The following NALF1 variants were observed in gnomAD, a reference collection of about 807,000 sequenced individuals.
NALF1 encodes family with sequence similarity 155 member A.
NALF1 carries 3 observed loss-of-function variants against 48.4 expected under a neutral mutation model. The ratio of observed to expected loss-of-function variants is 0.06; its 90% CI spans 0.03 to 0.16. NALF1 has a LOEUF of 0.16. NALF1 is among the 10% of genes least tolerant of loss of function. The pLI, the probability that NALF1 is intolerant of heterozygous loss-of-function variation, is 1.00. For synonymous variants in NALF1, 262 were observed against 245.7 expected, an observed-to-expected ratio of 1.07 and a Z score of -0.62; for missense variants, 526 against 571.5, an observed-to-expected ratio of 0.92 and a Z score of 0.81.
rs995450017 is a variant in NALF1, at chr13:107,792,511, T to C, written c.915+73171A>G. Among the ~76,000 whole-genome samples the C allele has an allele frequency of 3.9e-5, 6 of 152,156 alleles. No homozygotes were observed. The East Asian group carries it at 1.2e-3, about 29-fold the overall frequency. On this transcript the variant is annotated intron_variant, in intron 1 of 2. Transcript: ENST00000375915. ...TATCTGAGCCTAGTAAGATCTGCTT[T>C]CCTATGGCTCAACCCAAACTTCCTC...
At chr13:107,486,204 GCA>G (rs1387027326) in intron 1 of NALF1, among the ~76,000 whole-genome samples, 5 of 152,122 alleles carry the variant, frequency 3.3e-5, no homozygotes, top group Non-Finnish European at 7.3e-5. Flanking sequence ...GGCCAAGATT[GCA>G]CACACACAGG....
At chr13:107,699,561 G>C (rs1464534788) in intron 1 of NALF1, among the ~76,000 whole-genome samples, 1 of 152,010 alleles carries the variant, frequency 6.6e-6, no homozygotes, top group Non-Finnish European at 1.5e-5. Flanking sequence ...GGGTATGAGG[G>C]ACAGAAAAAC....
chr13:107,755,895 C>T (rs759519653), intron 1 of NALF1, among the ~76,000 whole-genome samples: 2 of 152,134 alleles, frequency 1.3e-5, no homozygotes, highest in Non-Finnish European at 2.9e-5. Context: ...ATTTTATTTA[C>T]ATACAATCTT....
intron 1 of NALF1, among the ~76,000 whole-genome samples, chr13:107,287,829 C>T (rs996015577): frequency 3.3e-5 from 5 of 151,628 alleles, no homozygotes; most frequent in Admixed American, 3.3e-4. Context: ...CCTCAGCCTC[C>T]CGAGTAACTG....
intron 2 of NALF1, among the ~76,000 whole-genome samples, chr13:107,207,862 A>T (rs1879676949): frequency 6.6e-6 from 1 of 152,160 alleles, no homozygotes; most frequent in African/African-American, 2.4e-5. Context: ...TACGTTGTCC[A>T]GACTGTCCTC....
chr13:107,301,210 G>T (rs999664777), intron 1 of NALF1, among the ~76,000 whole-genome samples: 2 of 152,106 alleles, frequency 1.3e-5, no homozygotes, highest in African/African-American at 2.4e-5. Flanking sequence ...TCACTGTGCT[G>T]CTGTATTCCA....
chr13:107,362,128 G>A lies in NALF1; in HGVS notation c.916-151373C>T, dbSNP rs538410251. ...TTATTTTCTTAAGCTACTGAAATTT[G>A]GGGGCTGGTTGTTACTCGAAAATAA... On this transcript the variant is annotated intron_variant, in intron 1 of 2. Coordinates refer to ENST00000375915, the MANE Select transcript of NALF1 (RefSeq NM_001080396.3). The surrounding 1 kb of genome is among the most constrained non-coding windows in gnomAD (Gnocchi z 4.6). Among the ~76,000 whole-genome samples the A allele has an allele frequency of 2.9e-4, 44 of 152,252 alleles. No homozygotes were observed. The highest frequency in any genetic ancestry group is 1.0e-3 in the African/African-American group (42 of 41,554).
intron 1 of NALF1, among the ~76,000 whole-genome samples, chr13:107,398,147 A>C (rs1428415629): frequency 6.6e-6 from 1 of 152,120 alleles, no homozygotes; most frequent in African/African-American, 2.4e-5. Flanking sequence ...CACCTTTAAA[A>C]ACCCATTTTG....
intron 1 of NALF1, among the ~76,000 whole-genome samples, chr13:107,465,601 C>G (rs1884989410): frequency 1.3e-5 from 2 of 152,074 alleles, no homozygotes; most frequent in African/African-American, 4.8e-5. Context: ...TTTCACCAAC[C>G]AGAACTTGGA....
At chr13:107,690,506 A>G (rs1374620976) in intron 1 of NALF1, among the ~76,000 whole-genome samples, 2 of 152,208 alleles carry the variant, frequency 1.3e-5, no homozygotes, top group East Asian at 1.9e-4. Flanking sequence ...CTCCTGGGGC[A>G]GATTTACAGC....
At chr13:107,667,574 CA>C (rs1253102059) in intron 1 of NALF1, among the ~76,000 whole-genome samples, 2 of 152,028 alleles carry the variant, frequency 1.3e-5, no homozygotes, top group Non-Finnish European at 2.9e-5. Context: ...GTTCTTAAAG[CA>C]TATCTGAAGG....
At chr13:107,282,268 C>A (rs1489962246) in intron 1 of NALF1, among the ~76,000 whole-genome samples, 1 of 152,132 alleles carries the variant, frequency 6.6e-6, no homozygotes. Context: ...CAAATAATAG[C>A]GTGAATAATA....
At chr13:107,670,804 C>A (rs1880972084) in intron 1 of NALF1, among the ~76,000 whole-genome samples, 1 of 152,098 alleles carries the variant, frequency 6.6e-6, no homozygotes, top group Non-Finnish European at 1.5e-5. Context: ...TAAGCAAGGT[C>A]TCCTATACTT....
chr13:107,647,021 G>A (rs1880331426), intron 1 of NALF1, among the ~76,000 whole-genome samples: 2 of 151,982 alleles, frequency 1.3e-5, no homozygotes, highest in African/African-American at 4.8e-5. Flanking sequence ...ATTGGGTAAA[G>A]ACTTACATAC....
intron 1 of NALF1, among the ~76,000 whole-genome samples, chr13:107,798,396 C>T (rs984110585): frequency 6.6e-6 from 1 of 152,128 alleles, no homozygotes; most frequent in East Asian, 1.9e-4. Flanking sequence ...AACAAAAATT[C>T]TCTAATATAT....
At chr13:107,173,209 C>A (rs185866716) in intron 2 of NALF1, among the ~76,000 whole-genome samples, 147 of 152,242 alleles carry the variant, frequency 9.7e-4, no homozygotes, top group Non-Finnish European at 1.3e-3. Context: ...TCATTTTTAG[C>A]ATTATCTGTA....
intron 1 of NALF1, among the ~76,000 whole-genome samples, chr13:107,425,035 T>TAGCG (rs1884255969): frequency 6.6e-6 from 1 of 152,218 alleles, no homozygotes; most frequent in Admixed American, 6.5e-5. Context: ...AGATTGTCGC[T>TAGCG]GTTAGACAAA....
intron 1 of NALF1, among the ~76,000 whole-genome samples, chr13:107,768,647 G>T (rs890009856): frequency 1.3e-5 from 2 of 151,946 alleles, no homozygotes; most frequent in South Asian, 4.1e-4. Flanking sequence ...AACCTTTTTC[G>T]CAAGTAAGGG....
chr13:107,455,720 C>T lies in NALF1; in HGVS notation c.916-244965G>A, dbSNP rs1000565887. The stretch of plus-strand genomic sequence containing the variant: ...TCCTCCTCTCCCCACTAACCTCTGG[C>T]AAGCACTGATCCCTTTGTCTTCATA... On this transcript the variant is annotated intron_variant, in intron 1 of 2. Transcript: ENST00000375915. Among the ~76,000 whole-genome samples the T allele has an allele frequency of 1.1e-4, 16 of 152,182 alleles. 1 individual carries two copies. The highest frequency in any genetic ancestry group is 3.1e-4 in the African/African-American group (13 of 41,442).
Sources: gnomAD v4.1 joint callset for allele counts (sites outside exome capture counted in the v4.1 genomes callset) on GRCh38, gnomAD v4.1.1 for gene constraint, Gnocchi (gnomAD v3.1) non-coding constraint, MANE v1.5 for transcripts, NCBI Gene and HGNC (gene_info 2026-07-23, HGNC 2026-07-21) for gene names.